The following FSTL4 variants were observed in gnomAD, a reference collection of about 807,000 sequenced individuals.
The protein encoded by FSTL4 is follistatin like 4.
A neutral mutation model predicts 78.2 loss-of-function variants in FSTL4; 28 were observed. The ratio of observed to expected loss-of-function variants is 0.36; its 90% CI spans 0.27 to 0.49. The LOEUF is 0.49. FSTL4 is among the 20% of genes least tolerant of loss of function. FSTL4 has a pLI of 0.98. For missense variants in FSTL4, 922 were observed against 1,084.9 expected (o/e 0.85, Z 2.11); for synonymous variants, 422 against 440.5 (o/e 0.96, Z 0.53).
chr5:133,210,133 G>C (rs1271688923), intron 14 of FSTL4, 58 bp downstream of exon 14: 10 of 874,216 alleles, frequency 1.1e-5, no homozygotes, highest in Non-Finnish European at 1.9e-5. Context: ...TTATTTTATA[G>C]GGAGAGAGTT....
At chr5:133,342,898 A>C (rs1754615094) in intron 4 of FSTL4, among the ~76,000 whole-genome samples, 2 of 152,074 alleles carry the variant, frequency 1.3e-5, no homozygotes, top group South Asian at 4.2e-4. Flanking sequence ...CCTTTCCAAT[A>C]ATCTCCCAGA....
the FSTL4 span, among the ~76,000 whole-genome samples, chr5:133,720,105 T>G: frequency 1.3e-5 from 2 of 152,204 alleles, no homozygotes; most frequent in Non-Finnish European, 2.9e-5. Context: ...GCAAGAAATA[T>G]CATCTGTTAG....
chr5:133,677,888 T>A, the FSTL4 span, among the ~76,000 whole-genome samples: 2 of 152,214 alleles, frequency 1.3e-5, no homozygotes, highest in Non-Finnish European at 2.9e-5. Flanking sequence ...AACAAGCCAA[T>A]AAGGTTCCCA....
the FSTL4 span, among the ~76,000 whole-genome samples, chr5:133,645,268 A>G: frequency 6.6e-6 from 1 of 152,174 alleles, no homozygotes; most frequent in South Asian, 2.1e-4. Flanking sequence ...AAACTATACT[A>G]TGAAACTGAA....
the FSTL4 span, among the ~76,000 whole-genome samples, chr5:133,693,783 G>A: frequency 1.3e-5 from 2 of 152,190 alleles, no homozygotes; most frequent in African/African-American, 2.4e-5. Context: ...GGAGTCTAAA[G>A]GTTGGAGACC....
intron 3 of FSTL4, among the ~76,000 whole-genome samples, chr5:133,459,460 A>C (rs201143032): frequency 1.4e-4 from 21 of 152,224 alleles, no homozygotes; most frequent in Middle Eastern, 6.3e-3. Flanking sequence ...GTTAAAAAAA[A>C]CCCACTTATT....
rs1750265100 is a variant in FSTL4, at chr5:133,199,828, G to A, written c.1827-31C>T. On this transcript the variant is annotated intron_variant, in intron 15 of 15. Coordinates refer to ENST00000265342, the MANE Select transcript of FSTL4 (RefSeq NM_015082.2). This position sits in a 1 kb window ranked among gnomAD's most constrained non-coding sequence, Gnocchi z 4.4. ...AGGGGAAGAACTGAGGTCAGAAGTT[G>A]CCTCCAGGGGTGGGGAATCTGTCAT... The A allele has an allele frequency of 8.1e-7, 1 of 1,238,006 alleles. No individual in the cohort carries two copies. The allele number at this position is 1,238,006 out of a possible 1,614,324, so 76.7% of individuals were successfully genotyped here.
chr5:133,767,756 T>A, the FSTL4 span, among the ~76,000 whole-genome samples: 29 of 152,286 alleles, frequency 1.9e-4, 1 homozygote, highest in Middle Eastern at 3.4e-3. Context: ...ATGCCATCAA[T>A]AATGCTCCCA....
upstream of FSTL4, chr5:133,612,658 T>G (rs1230124979): frequency 6.6e-6 from 1 of 151,608 alleles, no homozygotes; most frequent in Non-Finnish European, 1.5e-5. This position sits in a 1 kb window ranked among gnomAD's most constrained non-coding sequence, Gnocchi z 6.2. Context: ...CCACGGCAGG[T>G]GCGCGGAGCA....
At chr5:133,572,226 G>A (rs1370820891) in intron 2 of FSTL4, among the ~76,000 whole-genome samples, 1 of 152,146 alleles carries the variant, frequency 6.6e-6, no homozygotes, top group African/African-American at 2.4e-5. Flanking sequence ...TTTTCAGTAG[G>A]AAATAATGGA....
chr5:133,582,793 C>T (rs1174000351), intron 2 of FSTL4, among the ~76,000 whole-genome samples: 3 of 152,200 alleles, frequency 2.0e-5, no homozygotes, highest in Admixed American at 6.5e-5. Flanking sequence ...TCCACTTGGT[C>T]TTCTGCAGGT....
intron 3 of FSTL4, among the ~76,000 whole-genome samples, chr5:133,428,571 G>A (rs1330615856): frequency 2.0e-5 from 3 of 152,216 alleles, no homozygotes; most frequent in African/African-American, 7.2e-5. Context: ...ACTGGCACCT[G>A]TGCTGTTCTC....
At chr5:133,805,017 A>AT in the FSTL4 span, among the ~76,000 whole-genome samples, 6 of 151,012 alleles carry the variant, frequency 4.0e-5, no homozygotes, top group African/African-American at 1.5e-4. Context: ...CCTTCTCCTA[A>AT]TGCCACCTCT....
the FSTL4 span, among the ~76,000 whole-genome samples, chr5:133,732,303 G>A: frequency 3.9e-5 from 6 of 152,230 alleles, no homozygotes; most frequent in East Asian, 5.8e-4. Context: ...TGTGGGCCCC[G>A]AGGAAGATGG....
intron 3 of FSTL4, among the ~76,000 whole-genome samples, chr5:133,486,938 G>A (rs1376868781): frequency 6.6e-6 from 1 of 152,148 alleles, no homozygotes; most frequent in Non-Finnish European, 1.5e-5. Flanking sequence ...GGGAGAATCC[G>A]GGTCCCACCT....
At chr5:133,643,085 C>A in the FSTL4 span, among the ~76,000 whole-genome samples, 1 of 152,158 alleles carries the variant, frequency 6.6e-6, no homozygotes, top group Non-Finnish European at 1.5e-5. Flanking sequence ...GTGTGAAAGT[C>A]GGAGACTGCC....
At chr5:133,515,837 A>G (rs1758841312) in intron 3 of FSTL4, among the ~76,000 whole-genome samples, 2 of 152,226 alleles carry the variant, frequency 1.3e-5, no homozygotes, top group African/African-American at 2.4e-5. Flanking sequence ...TGGTAATAAC[A>G]TCAAAGTACT....
intron 3 of FSTL4, among the ~76,000 whole-genome samples, chr5:133,418,023 A>G (rs1361830655): frequency 3.3e-5 from 5 of 151,084 alleles, no homozygotes; most frequent in Non-Finnish European, 7.4e-5. Flanking sequence ...AACAGGAATC[A>G]GTAGACAGTG....
intron 3 of FSTL4, among the ~76,000 whole-genome samples, chr5:133,528,316 T>C (rs1759177524): frequency 6.6e-6 from 1 of 152,248 alleles, no homozygotes; most frequent in South Asian, 2.1e-4. Flanking sequence ...TCTGCTCATA[T>C]TGAGTTTTTG....
Sources: allele counts gnomAD v4.1 joint callset (sites outside exome capture counted in the v4.1 genomes callset), GRCh38; gene constraint gnomAD v4.1.1; non-coding constraint Gnocchi (gnomAD v3.1); transcripts MANE v1.5; gene names NCBI Gene and HGNC (gene_info 2026-07-23, HGNC 2026-07-21).